Variants in HLCS observed in about 807,000 individuals in gnomAD.
HLCS encodes the protein holocarboxylase synthetase.
Under a neutral mutation model 75.0 loss-of-function variants are expected in HLCS, and 53 were observed. The observed-to-expected ratio is 0.71, with a 90% confidence interval of 0.57 to 0.89. The LOEUF is 0.89. Ranked by LOEUF, HLCS falls within the 40% of genes least tolerant of loss-of-function variation. The pLI, the probability that HLCS is intolerant of heterozygous loss-of-function variation, is 0.00. For missense variants in HLCS, 966 were observed against 1,074.0 expected, an observed-to-expected ratio of 0.90 and a Z score of 1.41; for synonymous variants, 431 against 428.6, an observed-to-expected ratio of 1.01 and a Z score of -0.07.
chr21:36,977,148 G>A (rs551915766), intron 1 of HLCS, among the ~76,000 whole-genome samples: 3 of 152,096 alleles, frequency 2.0e-5, no homozygotes, highest in East Asian at 1.9e-4. Context: ...ACTAGAGAGC[G>A]AAGCGGTCAC....
chr21:36,909,154 G>A (rs1377017663), intron 5 of HLCS, among the ~76,000 whole-genome samples: 1 of 151,962 alleles, frequency 6.6e-6, no homozygotes, highest in Non-Finnish European at 1.5e-5. Flanking sequence ...CCTAGATCGC[G>A]CCACTGCACT....
intron 2 of HLCS, among the ~76,000 whole-genome samples, chr21:36,958,479 A>G (rs1268942254): frequency 1.3e-5 from 2 of 152,234 alleles, no homozygotes; most frequent in Admixed American, 1.3e-4. Flanking sequence ...CTTATCTCTC[A>G]CTTAGCAGCT....
intron 5 of HLCS, among the ~76,000 whole-genome samples, chr21:36,922,708 C>T (rs953665665): frequency 1.3e-5 from 2 of 152,174 alleles, no homozygotes; most frequent in African/African-American, 4.8e-5. Flanking sequence ...GGAGCGCTCT[C>T]CTTGCACCCC....
intron 5 of HLCS, among the ~76,000 whole-genome samples, chr21:36,923,040 G>T (rs976981599): frequency 6.6e-6 from 1 of 152,118 alleles, no homozygotes; most frequent in Non-Finnish European, 1.5e-5. Context: ...CGTCATCGCC[G>T]GGCGCCCCAC....
chr21:36,964,784 A>G (rs1036684802), intron 1 of HLCS, among the ~76,000 whole-genome samples: 2 of 152,254 alleles, frequency 1.3e-5, no homozygotes, highest in Non-Finnish European at 2.9e-5. Context: ...AAACTGTCCA[A>G]GAAAATCAGA....
At chr21:36,923,086 G>A (rs2066246447) in intron 5 of HLCS, among the ~76,000 whole-genome samples, 2 of 152,214 alleles carry the variant, frequency 1.3e-5, no homozygotes, top group South Asian at 4.1e-4. Context: ...CCTTGGCCCT[G>A]CACCTGACCA....
chr21:36,923,273 G>A (rs1461394660), intron 5 of HLCS, among the ~76,000 whole-genome samples: 2 of 152,200 alleles, frequency 1.3e-5, no homozygotes, highest in East Asian at 3.9e-4. Context: ...CTCACACATG[G>A]CAGCTATTAG....
chr21:36,862,114 T>C (rs1225236439), intron 6 of HLCS, among the ~76,000 whole-genome samples: 5 of 152,268 alleles, frequency 3.3e-5, no homozygotes, highest in Non-Finnish European at 1.5e-5. Flanking sequence ...TGGTACAGCA[T>C]GCATCAGTAC....
intron 6 of HLCS, among the ~76,000 whole-genome samples, chr21:36,803,632 T>C (rs755766781): frequency 1.3e-5 from 2 of 152,096 alleles, no homozygotes; most frequent in African/African-American, 4.8e-5. Flanking sequence ...ATTTCAATTA[T>C]TTTTTTCTCT....
chr21:36,865,013 G>A (rs561079415), intron 6 of HLCS, among the ~76,000 whole-genome samples: 41 of 151,788 alleles, frequency 2.7e-4, no homozygotes, highest in African/African-American at 9.2e-4. Flanking sequence ...AATATTTCAT[G>A]TTGCCCTGTC....
At chr21:36,832,856 C>T (rs886813007) in intron 6 of HLCS, among the ~76,000 whole-genome samples, 1 of 152,204 alleles carries the variant, frequency 6.6e-6, no homozygotes, top group Non-Finnish European at 1.5e-5. Context: ...ACAGCCTGAA[C>T]CTTCAAAGGG....
At chr21:36,830,175 G>A (rs574956793) in intron 6 of HLCS, among the ~76,000 whole-genome samples, 6 of 152,214 alleles carry the variant, frequency 3.9e-5, no homozygotes, top group South Asian at 2.1e-4. Context: ...AGAGGGGCCC[G>A]GAACAGAGCC....
At chr21:36,774,733 T>G (rs1601186947) in intron 6 of HLCS, among the ~76,000 whole-genome samples, 1 of 152,304 alleles carries the variant, frequency 6.6e-6, no homozygotes, top group Middle Eastern at 3.4e-3. Context: ...ACCTTGTAAG[T>G]GACACTAGCA....
At chr21:36,867,696 TG>T (rs2063606255) in intron 6 of HLCS, among the ~76,000 whole-genome samples, 1 of 152,228 alleles carries the variant, frequency 6.6e-6, no homozygotes, top group Non-Finnish European at 1.5e-5. Context: ...AATGACTGCA[TG>T]GAACACTGCA....
intron 6 of HLCS, among the ~76,000 whole-genome samples, chr21:36,803,020 G>A (rs151181683): frequency 0.016 from 2,447 of 152,304 alleles, 32 homozygotes; most frequent in South Asian, 0.046. Flanking sequence ...AACTCTGGGC[G>A]ATCAGGGTCC....
At chr21:36,959,936 C>A (rs1036125414) in intron 2 of HLCS, among the ~76,000 whole-genome samples, 1 of 152,220 alleles carries the variant, frequency 6.6e-6, no homozygotes, top group Admixed American at 6.5e-5. Context: ...GAGAGAAGAA[C>A]TGTGGCCCTT....
intron 6 of HLCS, among the ~76,000 whole-genome samples, chr21:36,861,096 T>G (rs1445048373): frequency 6.6e-6 from 1 of 152,244 alleles, no homozygotes; most frequent in Non-Finnish European, 1.5e-5. Flanking sequence ...TGCTAAGGGC[T>G]GGGAGACAGG....
intron 2 of HLCS, 34 bp from the exon 3 acceptor site, chr21:36,939,028 A>G (rs141817076): frequency 1.9e-6 from 3 of 1,572,070 alleles, no homozygotes; most frequent in Non-Finnish European, 2.6e-6. Flanking sequence ...GAGGTGGGAA[A>G]AGACAGGTTG....
chr21:36,828,006 G>T (rs111294666), intron 6 of HLCS, among the ~76,000 whole-genome samples: 10,580 of 151,888 alleles, frequency 0.07, 507 homozygotes, highest in South Asian at 0.17. Flanking sequence ...GTAGAGATGG[G>T]GTTTCACCGT....
Sources: allele counts gnomAD v4.1 joint callset (sites outside exome capture counted in the v4.1 genomes callset), GRCh38; gene constraint gnomAD v4.1.1; transcripts MANE v1.5; gene names NCBI Gene and HGNC (gene_info 2026-07-23, HGNC 2026-07-21).